CRPPA: variants seen among roughly 807,000 people sequenced by gnomAD.
CRPPA encodes D-ribitol-5-phosphate cytidylyltransferase.
CRPPA carries 43 observed loss-of-function variants against 52.0 expected under a neutral mutation model. That is an observed-to-expected ratio of 0.83 (90% CI 0.65 to 1.07). CRPPA has a LOEUF of 1.07. Among genes scored for constraint, CRPPA ranks in the 50% least tolerant of loss-of-function variants. The probability of loss-of-function intolerance (pLI) is 0.00; values close to 1 mark genes in which losing one functional copy is unlikely to be tolerated. For missense variants in CRPPA, 629 were observed against 551.7 expected (o/e 1.14, Z -1.40); for synonymous variants, 250 against 203.5 (o/e 1.23, Z -1.94).
chr7:16,391,644 T>A (rs906377090), intron 2 of CRPPA, among the ~76,000 whole-genome samples: 1 of 152,124 alleles, frequency 6.6e-6, no homozygotes, highest in African/African-American at 2.4e-5. Context: ...AAGTACTCAA[T>A]AGCCACATGT....
At chr7:16,303,493 A>AAAAAAAAAAAAAAAAAAAAAAAAAAAAAC in intron 4 of CRPPA, among the ~76,000 whole-genome samples, 1 of 147,172 alleles carries the variant, frequency 6.8e-6, no homozygotes, top group East Asian at 2.0e-4. Context: ...AAAAAAAAAA[A>AAAAAAAAAAAAAAAAAAAAAAAAAAAAAC]AAAAAAAAAA....
chr7:16,135,641 A>G (rs987823009), intron 9 of CRPPA, among the ~76,000 whole-genome samples: 1 of 152,200 alleles, frequency 6.6e-6, no homozygotes, highest in Non-Finnish European at 1.5e-5. Context: ...AAAAAGAAAT[A>G]ATTCTACCAA....
At chr7:16,369,543 C>T (rs545166698) in intron 3 of CRPPA, among the ~76,000 whole-genome samples, 34 of 152,268 alleles carry the variant, frequency 2.2e-4, no homozygotes, top group Admixed American at 7.2e-4. Context: ...TAATATGAGA[C>T]GGTCTTTCTC....
At chr7:16,337,154 T>C (rs1213968631) in intron 3 of CRPPA, among the ~76,000 whole-genome samples, 1 of 152,094 alleles carries the variant, frequency 6.6e-6, no homozygotes, top group Non-Finnish European at 1.5e-5. Flanking sequence ...GAACATTCGG[T>C]CCAACGGCAG....
At chr7:16,298,582 T>C (rs950003660) in intron 5 of CRPPA, among the ~76,000 whole-genome samples, 2 of 152,212 alleles carry the variant, frequency 1.3e-5, no homozygotes, top group Non-Finnish European at 2.9e-5. Flanking sequence ...GTAATAGTAA[T>C]AGTGCCTAGG....
intron 1 of CRPPA, among the ~76,000 whole-genome samples, chr7:16,420,012 G>A (rs1788288574): frequency 6.6e-6 from 1 of 152,156 alleles, no homozygotes; most frequent in Admixed American, 6.5e-5. Context: ...CAGGGGCAAG[G>A]TGAACCCGTG....
At chr7:16,204,994 G>A (rs1181604654) in intron 9 of CRPPA, among the ~76,000 whole-genome samples, 3 of 152,104 alleles carry the variant, frequency 2.0e-5, no homozygotes, top group Non-Finnish European at 2.9e-5. Context: ...TAACACATAT[G>A]CTTTCTTATT....
chr7:16,120,704 C>A (rs932888182), intron 9 of CRPPA, among the ~76,000 whole-genome samples: 2 of 152,058 alleles, frequency 1.3e-5, no homozygotes, highest in African/African-American at 4.8e-5. Flanking sequence ...TCATTGAAGT[C>A]ATCCCTTGAA....
chr7:16,397,743 G>T (rs183796702), intron 2 of CRPPA, among the ~76,000 whole-genome samples: 19 of 152,282 alleles, frequency 1.2e-4, no homozygotes, highest in African/African-American at 2.9e-4. Context: ...TGACTGACGC[G>T]AATGACACGA....
chr7:16,370,582 G>A (rs1160757137), intron 3 of CRPPA, among the ~76,000 whole-genome samples: 1 of 152,096 alleles, frequency 6.6e-6, no homozygotes, highest in Non-Finnish European at 1.5e-5. Flanking sequence ...ACTACATCAA[G>A]GAAACACCCT....
At chr7:16,379,167 C>T (rs1043348542) in intron 2 of CRPPA, among the ~76,000 whole-genome samples, 1 of 152,186 alleles carries the variant, frequency 6.6e-6, no homozygotes, top group Non-Finnish European at 1.5e-5. Flanking sequence ...GTGTTTTAGA[C>T]ATGAAGTTCT....
chr7:16,385,268 T>C (rs1019802916), intron 2 of CRPPA, among the ~76,000 whole-genome samples: 1 of 151,234 alleles, frequency 6.6e-6, no homozygotes, highest in Non-Finnish European at 1.5e-5. Context: ...ACTGGTAACC[T>C]CACAAAATAA....
intron 4 of CRPPA, among the ~76,000 whole-genome samples, chr7:16,306,166 C>T (rs940306441): frequency 6.6e-6 from 1 of 152,168 alleles, no homozygotes; most frequent in African/African-American, 2.4e-5. Flanking sequence ...CCAGCAGGAC[C>T]TCGTCTTCAC....
At chr7:16,398,995 G>C (rs1787706504) in intron 2 of CRPPA, among the ~76,000 whole-genome samples, 1 of 152,212 alleles carries the variant, frequency 6.6e-6, no homozygotes, top group South Asian at 2.1e-4. Flanking sequence ...GAATGTGATT[G>C]ACACTTGACT....
chr7:16,159,857 C>T (rs1026334892), intron 9 of CRPPA, among the ~76,000 whole-genome samples: 1 of 152,158 alleles, frequency 6.6e-6, no homozygotes, highest in African/African-American at 2.4e-5. Flanking sequence ...TCTCCACATC[C>T]TCTCCAGGAT....
At chr7:16,390,816 A>G (rs11977941) in intron 2 of CRPPA, among the ~76,000 whole-genome samples, 3,327 of 152,242 alleles carry the variant, frequency 0.022, 112 homozygotes, top group African/African-American at 0.075. Flanking sequence ...TGTAGAGATG[A>G]CTTAATAAGT....
chr7:16,283,589 T>A (rs1784363275), intron 5 of CRPPA, among the ~76,000 whole-genome samples: 1 of 151,420 alleles, frequency 6.6e-6, no homozygotes, highest in Non-Finnish European at 1.5e-5. Context: ...GTAGGATACA[T>A]ACATATCCTA....
intron 6 of CRPPA, among the ~76,000 whole-genome samples, chr7:16,274,326 C>T (rs1032118474): frequency 1.3e-4 from 20 of 152,144 alleles, no homozygotes; most frequent in Admixed American, 5.2e-4. Context: ...GGATTACGGA[C>T]GTGAGCCACC....
rs1785545268 is a variant in CRPPA, at chr7:16,331,207, G to A, written c.685-22580C>T. Among the ~76,000 whole-genome samples, 6 of 152,052 alleles carry A rather than the reference G, an allele frequency of 3.9e-5. No individual in the cohort carries two copies. The South Asian group carries it at 1.2e-3, about 32-fold the overall frequency. On this transcript the variant is annotated intron_variant, in intron 3 of 9. Transcript: ENST00000407010. Reference sequence around the variant, plus strand: ...AGTAGAGAGGGGTTTCACCGTGTTAGCCAGGATGGTCTCGATCTCCTGACC... The same window carrying A: ...AGTAGAGAGGGGTTTCACCGTGTTAACCAGGATGGTCTCGATCTCCTGACC...
Sources: allele counts gnomAD v4.1 joint callset (sites outside exome capture counted in the v4.1 genomes callset), GRCh38; gene constraint gnomAD v4.1.1; transcripts MANE v1.5; gene names NCBI Gene and HGNC (gene_info 2026-07-23, HGNC 2026-07-21).